CC2D2B: variants seen among roughly 807,000 people sequenced by gnomAD.
CC2D2B encodes protein CC2D2B.
CC2D2B carries 128 observed loss-of-function variants against 161.2 expected under a neutral mutation model. That is an observed-to-expected ratio of 0.79 (90% CI 0.69 to 0.92). The LOEUF (loss-of-function observed/expected upper bound fraction) is 0.92, where lower values mean the gene tolerates loss of function less well. CC2D2B is among the 40% of genes least tolerant of loss of function. The pLI, the probability that CC2D2B is intolerant of heterozygous loss-of-function variation, is 0.00. For missense variants in CC2D2B, 1,173 were observed against 1,375.1 expected (o/e 0.85, Z 2.32); for synonymous variants, 391 against 449.8 (o/e 0.87, Z 1.65).
chr10:95,975,148 C>G (rs2077269352), intron 17 of CC2D2B, among the ~76,000 whole-genome samples: 1 of 152,096 alleles, frequency 6.6e-6, no homozygotes, highest in South Asian at 2.1e-4. Flanking sequence ...TGCTGCAAAT[C>G]TAAAACTTCT....
intron 9 of CC2D2B, among the ~76,000 whole-genome samples, chr10:95,948,285 A>G (rs2076291464): frequency 7.6e-6 from 1 of 131,640 alleles, no homozygotes; most frequent in Non-Finnish European, 1.6e-5. Flanking sequence ...CCAAAACAGC[A>G]TGGTACTGGT....
Position 96,000,023 on chromosome 10 carries a change from A to C in CC2D2B, c.2849+3771A>C, listed in dbSNP as rs1002926396. On this transcript the variant is annotated intron_variant, in intron 24 of 34. Transcript: ENST00000646931. ...AGAATCTTGCCCTTCTTTGTTTACA[A>C]CAATGCCAACAGCATGTTGGGTAAC... 39 of 1,361,708 alleles carry C rather than the reference A, an allele frequency of 2.9e-5. No homozygotes were observed. In the Admixed American group the frequency reaches 6.6e-4, roughly 23 times the overall value. The allele number at this position is 1,361,708 out of a possible 1,614,324, so 84.4% of individuals were successfully genotyped here. A position where few individuals can be genotyped will look rare whatever the true frequency, so the allele number is the denominator to read the frequency against.
rs190012991 is a variant in CC2D2B at position 95,990,349 on chromosome 10, A to T, written c.2380-1021A>T. ...TAAGAAGGTAACACTTCTGCAAAAG[A>T]CCTAAAGGAGACAAGGAAGCTAGCC... is the stretch of plus-strand genomic sequence containing the variant. On this transcript the variant is annotated intron_variant, in intron 20 of 34. Transcript: ENST00000646931. 5.3e-5 allele frequency among the ~76,000 whole-genome samples: 8 copies of T among 152,304 alleles called. No homozygotes were observed. In the East Asian group the frequency reaches 1.5e-3, roughly 29 times the overall value.
chr10:95,933,663 G>C (rs1393701332), intron 6 of CC2D2B, among the ~76,000 whole-genome samples: 1 of 152,140 alleles, frequency 6.6e-6, no homozygotes, highest in African/African-American at 2.4e-5. Context: ...ACTGGAGTTT[G>C]CTGGAGGTCC....
chr10:96,000,093 T>C, intron 24 of CC2D2B: 1 of 1,493,318 alleles, frequency 6.7e-7, no homozygotes, highest in Non-Finnish European at 8.9e-7. Flanking sequence ...CTGTGGGCAT[T>C]CCTTTTTAAA....
At chr10:95,929,406 C>T (rs1278182697) in intron 6 of CC2D2B, among the ~76,000 whole-genome samples, 2 of 152,222 alleles carry the variant, frequency 1.3e-5, no homozygotes, top group Non-Finnish European at 2.9e-5. Flanking sequence ...TTAATTAGAT[C>T]CCATTTGTCA....
At chr10:95,925,995 AT>A (rs147052468) in intron 5 of CC2D2B, among the ~76,000 whole-genome samples, 4,974 of 152,208 alleles carry the variant, frequency 0.033, 123 homozygotes, top group South Asian at 0.075. Flanking sequence ...TTAACTGCAA[AT>A]TTTAAAATGC....
At chr10:96,015,757 G>T (rs2079171534) in intron 29 of CC2D2B, among the ~76,000 whole-genome samples, 2 of 152,038 alleles carry the variant, frequency 1.3e-5, no homozygotes, top group South Asian at 4.1e-4. Flanking sequence ...TCCTTTCTTT[G>T]AGTTGACAGT....
chr10:95,909,172 A>G (rs1324167359), intron 1 of CC2D2B, among the ~76,000 whole-genome samples: 3 of 152,252 alleles, frequency 2.0e-5, no homozygotes, highest in African/African-American at 7.2e-5. Context: ...AGTTAAGTTA[A>G]TTTTTAAACT....
chr10:95,994,005 T>TCCAGC (rs1237675934), intron 22 of CC2D2B, among the ~76,000 whole-genome samples: 1 of 114,496 alleles, frequency 8.7e-6, no homozygotes, highest in East Asian at 2.4e-4. Flanking sequence ...TATAGTACAG[T>TCCAGC]CCAGCCCTAC....
intron 19 of CC2D2B, among the ~76,000 whole-genome samples, chr10:95,984,416 A>G (rs1187133492): frequency 6.6e-6 from 1 of 152,174 alleles, no homozygotes; most frequent in Admixed American, 6.6e-5. Context: ...GCATGTCCTT[A>G]GTCTTTGGAG....
At chr10:96,000,611 G>A (rs781537364) in intron 24 of CC2D2B, among the ~76,000 whole-genome samples, 3 of 152,012 alleles carry the variant, frequency 2.0e-5, no homozygotes, top group Non-Finnish European at 2.9e-5. Context: ...TGATCCTCCC[G>A]CCTCGGCCTC....
intron 25 of CC2D2B, among the ~76,000 whole-genome samples, chr10:96,005,309 T>A (rs1556743): frequency 1 from 151,776 of 152,310 alleles, 75,621 homozygotes; most frequent in Middle Eastern, 1. Flanking sequence ...TTAGAGTGAG[T>A]TTGTTGTTAT....
chr10:95,960,547 C>T (rs1488343951), intron 11 of CC2D2B, among the ~76,000 whole-genome samples: 2 of 152,060 alleles, frequency 1.3e-5, no homozygotes, highest in Non-Finnish European at 2.9e-5. Flanking sequence ...AGGTCTCCCT[C>T]TGTTGCCTGG....
intron 23 of CC2D2B, 38 bp downstream of exon 23, chr10:95,995,403 T>C: frequency 9.8e-7 from 1 of 1,022,078 alleles, no homozygotes; most frequent in East Asian, 2.8e-5. Flanking sequence ...TAATATTGAT[T>C]ATGTTTGTTC....
intron 9 of CC2D2B, among the ~76,000 whole-genome samples, chr10:95,943,406 A>G (rs2076089599): frequency 6.6e-6 from 1 of 152,152 alleles, no homozygotes. Context: ...AACTACTTCT[A>G]TTATAAATCT....
At chr10:95,948,420 TAATA>T (rs1421657133) in intron 9 of CC2D2B, among the ~76,000 whole-genome samples, 1 of 61,018 alleles carries the variant, frequency 1.6e-5, no homozygotes, top group Non-Finnish European at 3.2e-5. Context: ...ATTCCCTATT[TAATA>T]AATGGTGCTG....
At chr10:95,981,314 A>C (rs10882701) in intron 17 of CC2D2B, among the ~76,000 whole-genome samples, 81,261 of 150,154 alleles carry the variant, frequency 0.54, 22,395 homozygotes, top group Non-Finnish European at 0.59. Context: ...ATCGCTTTGA[A>C]CCTGGGAGGC....
At chr10:95,971,778 C>T (rs1022282295) in intron 15 of CC2D2B, among the ~76,000 whole-genome samples, 2 of 152,038 alleles carry the variant, frequency 1.3e-5, no homozygotes, top group African/African-American at 4.8e-5. Flanking sequence ...TAAAGTGCTA[C>T]TCAAAATTGC....
Sources: allele counts gnomAD v4.1 joint callset (sites outside exome capture counted in the v4.1 genomes callset), GRCh38; gene constraint gnomAD v4.1.1; transcripts MANE v1.5; gene names NCBI Gene and HGNC (gene_info 2026-07-23, HGNC 2026-07-21).